ITSN1: variants seen among roughly 807,000 people sequenced by gnomAD.
The protein encoded by ITSN1 is intersectin-1.
A neutral mutation model predicts 239.8 loss-of-function variants in ITSN1; 58 were observed. The observed-to-expected ratio is 0.24, with a 90% CI of 0.20 to 0.30. The LOEUF is 0.30. Ranked by LOEUF, ITSN1 falls within the 10% of genes least tolerant of loss-of-function variation. ITSN1 has a pLI of 1.00. For synonymous variants in ITSN1, 780 were observed against 770.8 expected (o/e 1.01, Z -0.20); for missense variants, 1,558 against 2,103.3 (o/e 0.74, Z 5.07).
At chr21:33,729,750 A>T (rs1198610140) in intron 4 of ITSN1, among the ~76,000 whole-genome samples, 1 of 152,220 alleles carries the variant, frequency 6.6e-6, no homozygotes, top group Non-Finnish European at 1.5e-5. Context: ...TAAATCAGTA[A>T]AGTGCTCAGT....
At chr21:33,830,900 G>C (rs188653451) in intron 27 of ITSN1, among the ~76,000 whole-genome samples, 37 of 150,708 alleles carry the variant, frequency 2.5e-4, no homozygotes, top group African/African-American at 6.6e-4. Context: ...AGAAGAGGGT[G>C]GGGGGGGAGG....
rs2091224884 is a variant in ITSN1, at chr21:33,686,172, C to G, written c.-32-32625C>G. Among the ~76,000 whole-genome samples the G allele has an allele frequency of 2.0e-5, 3 of 152,156 alleles. No individual in the cohort carries two copies. In the South Asian group the frequency reaches 6.2e-4, roughly 32 times the overall value. ...TGTCTACTTTTCTTCAGTAGCTAAACAGAAGTAATTATATATTTACATTCT... is the reference window on the plus strand; with the variant it reads ...TGTCTACTTTTCTTCAGTAGCTAAAGAGAAGTAATTATATATTTACATTCT... On this transcript the variant is annotated intron_variant, in intron 1 of 39. Coordinates refer to ENST00000381318, the MANE Select transcript of ITSN1 (RefSeq NM_003024.3).
At chr21:33,778,041 T>C (rs1468951754) in intron 14 of ITSN1, among the ~76,000 whole-genome samples, 2 of 152,202 alleles carry the variant, frequency 1.3e-5, no homozygotes, top group African/African-American at 4.8e-5. Context: ...AAGTATGTGT[T>C]TTTTCTTTCT....
chr21:33,777,587 G>C (rs1177173537), intron 14 of ITSN1, among the ~76,000 whole-genome samples: 2 of 152,132 alleles, frequency 1.3e-5, no homozygotes, highest in Non-Finnish European at 2.9e-5. Context: ...TATTTTGGTA[G>C]TTATAAATTT....
intron 1 of ITSN1, among the ~76,000 whole-genome samples, chr21:33,681,533 A>G (rs2090954313): frequency 6.6e-6 from 1 of 151,550 alleles, no homozygotes. Context: ...TGGGCGACAG[A>G]GTGAGACTCC....
Position 33,885,420 on chromosome 21 carries a change from G to A in ITSN1, c.4760-19G>A, listed in dbSNP as rs1175686576. On this transcript the variant is annotated intron_variant, in intron 37 of 39. Transcript: ENST00000381318. ...GGCACGTTCAAATGAAGCATTTTGT[G>A]TTTTTCCTGCCGTCATAGTCCGTTC... 8 of 1,612,056 alleles carry A rather than the reference G, an allele frequency of 5.0e-6. No homozygotes were observed. The South Asian group carries it at 7.7e-5, about 15-fold the overall frequency.
chr21:33,710,324 C>T (rs1234304901), intron 1 of ITSN1, among the ~76,000 whole-genome samples: 1 of 151,802 alleles, frequency 6.6e-6, no homozygotes, highest in Non-Finnish European at 1.5e-5. Flanking sequence ...GTGAACCGCC[C>T]GTCCCAAAGT....
intron 14 of ITSN1, among the ~76,000 whole-genome samples, chr21:33,775,448 C>A (rs1301445542): frequency 6.6e-6 from 1 of 152,112 alleles, no homozygotes; most frequent in African/African-American, 2.4e-5. Flanking sequence ...ATGAAAAGTG[C>A]TATGGAGAGT....
At chr21:33,688,002 A>G (rs1188661652) in intron 1 of ITSN1, among the ~76,000 whole-genome samples, 2 of 152,072 alleles carry the variant, frequency 1.3e-5, no homozygotes, top group African/African-American at 4.8e-5. Flanking sequence ...ATGATTACCT[A>G]CTTTATCTAA....
intron 16 of ITSN1, among the ~76,000 whole-genome samples, chr21:33,792,843 C>G (rs2071246485): frequency 6.6e-6 from 1 of 152,134 alleles, no homozygotes; most frequent in Non-Finnish European, 1.5e-5. Flanking sequence ...CCAGTGTCAT[C>G]TGCTAGGTTC....
At chr21:33,815,282 GGAA>G (rs35297673) in intron 22 of ITSN1, among the ~76,000 whole-genome samples, 20,881 of 152,024 alleles carry the variant, frequency 0.14, 1,830 homozygotes, top group East Asian at 0.28. Context: ...TCTGTGGTCT[GGAA>G]GAAGAAGAGG....
chr21:33,833,496 A>G (rs2074412577), intron 27 of ITSN1, among the ~76,000 whole-genome samples: 1 of 152,186 alleles, frequency 6.6e-6, no homozygotes, highest in South Asian at 2.1e-4. Flanking sequence ...TCAACTTTTC[A>G]TCTGGAAATT....
intron 5 of ITSN1, among the ~76,000 whole-genome samples, chr21:33,749,641 C>CA (rs558593343): frequency 0.033 from 4,258 of 130,084 alleles, 160 homozygotes; most frequent in African/African-American, 0.095. Flanking sequence ...GACTCCATCT[C>CA]AAAAAAAAAA....
chr21:33,678,710 G>T (rs532959225), intron 1 of ITSN1, among the ~76,000 whole-genome samples: 120 of 152,240 alleles, frequency 7.9e-4, no homozygotes, highest in Non-Finnish European at 1.5e-3. Context: ...TGTTGTTGTT[G>T]TTGTTTTGGA....
rs541886756 is a variant in ITSN1, at chr21:33,896,292, A to G, written c.*7992A>G. On this transcript the variant is annotated 3_prime_UTR_variant, in exon 40 of 40. Transcript: ENST00000381318. ...CGTCAAGCAGCTGTGAGCCTTTACCATTGAGCTCACTGCTTGGAAATAAAA... is the reference window on the plus strand; with the variant it reads ...CGTCAAGCAGCTGTGAGCCTTTACCGTTGAGCTCACTGCTTGGAAATAAAA... 7.5e-4 allele frequency: 115 copies of G among 152,338 alleles called. No homozygotes were observed. Among genetic ancestry groups the G allele is most frequent in the African/African-American group, 2.6e-3 (108 of 41,566 alleles). The allele number at this position is 152,338 out of a possible 1,614,324, so 9.4% of individuals were successfully genotyped here.
chr21:33,750,240 T>C lies in ITSN1; in HGVS notation c.444T>C (p.Ser148=). ...PVVGMSPTLV[S]SVPTAAVPPL... is the part of the protein sequence containing the mutation. The stretch of plus-strand genomic sequence containing the variant: ...TTGGAATGTCTCCAACCCTAGTATC[T>C]TCTGTTCCCACAGCAGCTGTGCCCC... The change falls in exon 6 of 40, where the codon TCT becomes TCC. Residue 148 remains serine, a synonymous_variant. Coordinates refer to ENST00000381318, the MANE Select transcript of ITSN1 (RefSeq NM_003024.3). 1.2e-6 allele frequency: 2 copies of C among 1,614,150 alleles called. No homozygotes were observed. Among genetic ancestry groups the C allele is most frequent in the Non-Finnish European group, 1.7e-6 (2 of 1,180,012 alleles).
intron 7 of ITSN1, among the ~76,000 whole-genome samples, chr21:33,752,601 T>C (rs1602016811): frequency 1.3e-5 from 2 of 152,156 alleles, no homozygotes; most frequent in East Asian, 3.9e-4. Context: ...CTCAGAACTT[T>C]TGGGCCGGGT....
intron 1 of ITSN1, among the ~76,000 whole-genome samples, chr21:33,647,519 G>T (rs919870059): frequency 6.6e-6 from 1 of 151,396 alleles, no homozygotes; most frequent in African/African-American, 2.4e-5. Context: ...TTTTTCAGAC[G>T]GAGTCTCAGT....
Position 33,811,027 on chromosome 21 carries a change from G to C in ITSN1, c.2372G>C (p.Gly791Ala), listed in dbSNP as rs760929885. The C allele has an allele frequency of 1.7e-5, 27 of 1,614,062 alleles. No individual in the cohort carries two copies. Among genetic ancestry groups the C allele is most frequent in the Non-Finnish European group, 2.2e-5 (26 of 1,180,026 alleles). ...GGCTGGCTTGGAGGAGAATTAAAAGGAAAGACAGGGTGGTTCCCTGCAAAC... is the reference window on the plus strand; with the variant it reads ...GGCTGGCTTGGAGGAGAATTAAAAGCAAAGACAGGGTGGTTCCCTGCAAAC... ...EPGWLGGELK[G>A]KTGWFPANYA... The change falls in exon 21 of 40, where the codon GGA (glycine) becomes GCA (alanine). Residue 791 changes from glycine (G) to alanine (A), a missense_variant. Around this residue, in one of 2 missense-constraint regions of ITSN1, gnomAD observed 982 missense variants for 1,209.9 expected, o/e 0.81. Transcript: ENST00000381318.
Sources: allele counts gnomAD v4.1 joint callset (sites outside exome capture counted in the v4.1 genomes callset), GRCh38; gene constraint gnomAD v4.1.1; regional missense constraint gnomAD v4.1.1; transcripts MANE v1.5; gene names NCBI Gene and HGNC (gene_info 2026-07-23, HGNC 2026-07-21).